FIBCD1: variants seen among roughly 807,000 people sequenced by gnomAD.
FIBCD1 encodes fibrinogen C domain-containing protein 1.
In FIBCD1, 47 loss-of-function variants were observed where a neutral mutation model predicts 45.1. The ratio of observed to expected loss-of-function variants is 1.04; its 90% CI spans 0.82 to 1.33. The LOEUF (loss-of-function observed/expected upper bound fraction) is 1.33, where lower values mean the gene tolerates loss of function less well. Among genes scored for constraint, FIBCD1 ranks in the 40% most tolerant of loss-of-function variants. FIBCD1 has a pLI of 0.00. For missense variants in FIBCD1, 653 were observed against 682.2 expected, an observed-to-expected ratio of 0.96 and a Z score of 0.48; for synonymous variants, 313 against 308.1, an observed-to-expected ratio of 1.02 and a Z score of -0.17.
chr9:130,911,740 GA>G, intron 5 of FIBCD1, 51 bp downstream of exon 5: 2 of 1,515,746 alleles, frequency 1.3e-6, no homozygotes, highest in South Asian at 2.4e-5. Flanking sequence ...ACTGTGTCCG[GA>G]AGGCAGGGGG....
chr9:130,924,607 G>T (rs1053477689), intron 2 of FIBCD1, among the ~76,000 whole-genome samples: 5 of 152,176 alleles, frequency 3.3e-5, no homozygotes, highest in Non-Finnish European at 4.4e-5. Flanking sequence ...CTGGGGCCTC[G>T]AGGGCTGGGA....
chr9:130,939,284 C>A (rs569119379), upstream of FIBCD1: 1,333 of 152,206 alleles, frequency 8.8e-3, 10 homozygotes, highest in Admixed American at 0.015. Context: ...CGGGGAGTGG[C>A]GCGGCGCTCC....
At chr9:130,925,479 G>A (rs1418650256) in intron 2 of FIBCD1, among the ~76,000 whole-genome samples, 3 of 152,172 alleles carry the variant, frequency 2.0e-5, no homozygotes, top group Admixed American at 6.5e-5. Flanking sequence ...CACTAGCTGC[G>A]TGACCCCGGA....
chr9:130,939,914 C>T (rs1005658145), upstream of FIBCD1, among the ~76,000 whole-genome samples: 2 of 152,118 alleles, frequency 1.3e-5, no homozygotes, highest in African/African-American at 2.4e-5. Context: ...CCGCGCTCCC[C>T]TCCCGCCGCC....
intron 5 of FIBCD1, among the ~76,000 whole-genome samples, chr9:130,905,894 C>T (rs988370035): frequency 3.3e-5 from 5 of 152,172 alleles, no homozygotes; most frequent in African/African-American, 7.2e-5. Context: ...GACCTCCTGT[C>T]GGCGTTGAGG....
chr9:130,929,837 A>T lies in FIBCD1; in HGVS notation c.282T>A (p.Ile94=). 6.5e-7 allele frequency: 1 copy of T among 1,549,826 alleles called. No homozygotes were observed. The highest frequency in any genetic ancestry group is 8.7e-7 in the Non-Finnish European group (1 of 1,146,702). ...CGGTGAGGTCGGGGCAGCGCGGGTC[A>T]ATGAGGATGCTGAGGTGCGAGCTGT... ...RADSSHLSIL[I]DPRCPDLTDS... Residue 94 remains isoleucine (I), a synonymous_variant, in exon 2 of 7, where the codon ATT becomes ATA. Transcript: ENST00000372338.
chr9:130,914,607 T>C (rs1163226958), intron 4 of FIBCD1, among the ~76,000 whole-genome samples: 2 of 152,132 alleles, frequency 1.3e-5, no homozygotes, highest in African/African-American at 4.8e-5. Flanking sequence ...GATGTACAGG[T>C]GCCCAGCTGT....
intron 1 of FIBCD1, among the ~76,000 whole-genome samples, chr9:130,935,805 G>A (rs1832509799): frequency 6.6e-6 from 1 of 152,128 alleles, no homozygotes; most frequent in Admixed American, 6.5e-5. Context: ...CTGTCAAATG[G>A]GTTCATCACT....
chr9:130,930,888 C>A, intron 1 of FIBCD1: 1 of 446,372 alleles, frequency 2.2e-6, no homozygotes, highest in South Asian at 1.6e-5. Context: ...TAGATGGTCT[C>A]GTGCTGTCTC....
intron 6 of FIBCD1, 21 bp from the exon 7 acceptor site, chr9:130,904,344 G>GT: frequency 6.3e-7 from 1 of 1,584,704 alleles, no homozygotes; most frequent in Non-Finnish European, 8.6e-7. Flanking sequence ...GTGCACACAG[G>GT]TGTGGGCACG....
At chr9:130,940,476 C>T (rs1278805087), upstream of FIBCD1, among the ~76,000 whole-genome samples, 2 of 152,256 alleles carry the variant, frequency 1.3e-5, no homozygotes, top group African/African-American at 2.4e-5. Flanking sequence ...TTTCTGGCCC[C>T]TCGGCCTTTC....
upstream of FIBCD1, among the ~76,000 whole-genome samples, chr9:130,940,480 G>A (rs1486194864): frequency 7.2e-5 from 11 of 152,352 alleles, no homozygotes; most frequent in East Asian, 2.1e-3. Context: ...TGGCCCCTCG[G>A]CCTTTCCTAT....
rs1423106692 is a variant in FIBCD1 at position 130,938,668 on chromosome 9, C to CGGGGTG, written c.-67_-62dup. ...GCGCCGCTGCGGAGCGCAAAGGAGA[C>CGGGGTG]GGGGTGGGCGCGGGCGCGGGCGCGG... On this transcript the variant is annotated 5_prime_UTR_variant, in exon 1 of 7. Coordinates refer to ENST00000372338, the MANE Select transcript of FIBCD1 (RefSeq NM_032843.5). 12 of 1,166,152 alleles carry CGGGGTG rather than the reference C, an allele frequency of 1.0e-5. No individual in the cohort carries two copies. Among genetic ancestry groups the CGGGGTG allele is most frequent in the Non-Finnish European group, 1.3e-5 (12 of 927,142 alleles). The allele number at this position is 1,166,152 out of a possible 1,614,324, so 72.2% of individuals were successfully genotyped here.
chr9:130,929,950 C>G lies in FIBCD1; in HGVS notation c.169G>C (p.Ala57Pro), dbSNP rs369151448. Residue 57 changes from alanine to proline, a missense_variant, in exon 2 of 7, where the codon GCC (alanine) becomes CCC (proline). Transcript: ENST00000372338. ...GGGGGCGCCGTGCCCGGCGCGTGGG[C>G]GTGGTTCAGGAAGAGCACGGCACCG... ...VTGAVLFLNH[A>P]HAPGTAPPPV... is the part of the protein sequence containing the mutation. The G allele has an allele frequency of 1.9e-6, 3 of 1,549,070 alleles. No individual in the cohort carries two copies. Among genetic ancestry groups the G allele is most frequent in the Non-Finnish European group, 2.6e-6 (3 of 1,146,346 alleles).
At chr9:130,919,962 C>A (rs947485484) in intron 4 of FIBCD1, among the ~76,000 whole-genome samples, 11 of 136,976 alleles carry the variant, frequency 8.0e-5, no homozygotes, top group Non-Finnish European at 1.6e-4. Flanking sequence ...CAAGACTGTG[C>A]GGCAGGGCAG....
At chr9:130,929,536 C>T in intron 2 of FIBCD1, 31 bp downstream of exon 2, 2 of 1,488,816 alleles carry the variant, frequency 1.3e-6, no homozygotes, top group East Asian at 2.4e-5. Context: ...TCGCCTCCAG[C>T]AAGACCCCAA....
chr9:130,908,712 T>C (rs917930628), intron 5 of FIBCD1, among the ~76,000 whole-genome samples: 1 of 152,138 alleles, frequency 6.6e-6, no homozygotes, highest in African/African-American at 2.4e-5. Flanking sequence ...ATGGGAAGCG[T>C]GTAGCTGGGT....
chr9:130,908,728 G>GT (rs1831980981), intron 5 of FIBCD1, among the ~76,000 whole-genome samples: 1 of 152,204 alleles, frequency 6.6e-6, no homozygotes, highest in African/African-American at 2.4e-5. Flanking sequence ...TGGGTGCTCA[G>GT]TGGGTTGGGG....
chr9:130,913,795 CAGG>C (rs879572106), intron 4 of FIBCD1, among the ~76,000 whole-genome samples: 15 of 152,204 alleles, frequency 9.9e-5, no homozygotes, highest in Admixed American at 3.3e-4. Context: ...CCTGTTTCCG[CAGG>C]AGGAGGGGAG....
Sources: gnomAD v4.1 joint callset for allele counts (sites outside exome capture counted in the v4.1 genomes callset) on GRCh38, gnomAD v4.1.1 for gene constraint, MANE v1.5 for transcripts, NCBI Gene and HGNC (gene_info 2026-07-23, HGNC 2026-07-21) for gene names.